DAB1: variants seen among roughly 807,000 people sequenced by gnomAD.
The protein encoded by DAB1 is disabled homolog 1.
A neutral mutation model predicts 64.6 loss-of-function variants in DAB1; 15 were observed. That is an observed-to-expected ratio of 0.23 (90% CI 0.16 to 0.36). The LOEUF (loss-of-function observed/expected upper bound fraction) is 0.36. Among genes scored for constraint, DAB1 ranks in the 10% least tolerant of loss-of-function variants. The pLI is 1.00. For synonymous variants in DAB1, 235 were observed against 251.9 expected (o/e 0.93, Z 0.64); for missense variants, 596 against 706.7 (o/e 0.84, Z 1.78).
intron 6 of DAB1, among the ~76,000 whole-genome samples, chr1:57,815,066 T>TTTTG (rs1288501616): frequency 1.3e-5 from 2 of 152,204 alleles, no homozygotes; most frequent in South Asian, 2.1e-4. Context: ...TTTTTGTTTT[T>TTTTG]TTTGTTTGTT....
chr1:58,260,521 A>G (rs1661025782), intron 4 of DAB1, among the ~76,000 whole-genome samples: 1 of 152,142 alleles, frequency 6.6e-6, no homozygotes, highest in African/African-American at 2.4e-5. Context: ...CTTATTGCCT[A>G]ATCATTAGCC....
chr1:57,116,760 C>T (rs145744538), intron 4 of DAB1, among the ~76,000 whole-genome samples: 1 of 152,134 alleles, frequency 6.6e-6, no homozygotes, highest in South Asian at 2.1e-4. Flanking sequence ...CCAGATTTAC[C>T]TTGAATCTAC....
chr1:57,046,396 T>G (rs182336842), intron 9 of DAB1, among the ~76,000 whole-genome samples: 25 of 152,334 alleles, frequency 1.6e-4, no homozygotes, highest in Admixed American at 1.5e-3. Context: ...ATTTTCTTAT[T>G]CCCCATGATC....
chr1:58,147,869 T>C (rs1231361328), intron 5 of DAB1, among the ~76,000 whole-genome samples: 1 of 150,494 alleles, frequency 6.6e-6, no homozygotes, highest in Non-Finnish European at 1.5e-5. Flanking sequence ...TTGGAGATAT[T>C]AAATTAAAAA....
chr1:57,600,675 T>C (rs549068757), intron 7 of DAB1, among the ~76,000 whole-genome samples: 2 of 152,266 alleles, frequency 1.3e-5, no homozygotes, highest in African/African-American at 4.8e-5. Context: ...CTAGCGCCTA[T>C]AGAATTGAAT....
intron 3 of DAB1, among the ~76,000 whole-genome samples, chr1:58,461,384 A>T (rs1256432574): frequency 6.6e-6 from 1 of 152,184 alleles, no homozygotes; most frequent in Non-Finnish European, 1.5e-5. Flanking sequence ...ATGTGATTGA[A>T]ACTTGCTCTC....
intron 1 of DAB1, among the ~76,000 whole-genome samples, chr1:57,828,389 T>TTTTTTAA (rs1351663277): frequency 6.6e-6 from 1 of 152,236 alleles, no homozygotes; most frequent in Non-Finnish European, 1.5e-5. Context: ...CAGTTTTCCT[T>TTTTTTAA]TTGATACATT....
intron 5 of DAB1, among the ~76,000 whole-genome samples, chr1:57,962,988 A>G (rs1474497521): frequency 1.3e-5 from 2 of 152,080 alleles, no homozygotes; most frequent in African/African-American, 4.8e-5. Flanking sequence ...ATAATATAAC[A>G]TGCTTCATTC....
intron 4 of DAB1, among the ~76,000 whole-genome samples, chr1:57,076,283 G>T (rs1018100345): frequency 6.6e-6 from 1 of 152,190 alleles, no homozygotes; most frequent in Non-Finnish European, 1.5e-5. Flanking sequence ...TGAAGGAAAG[G>T]CAGATGCTGG....
chr1:57,338,185 G>A (rs1436105196), intron 1 of DAB1, among the ~76,000 whole-genome samples: 3 of 151,936 alleles, frequency 2.0e-5, no homozygotes, highest in Non-Finnish European at 2.9e-5. Flanking sequence ...AGGTTTTGCC[G>A]TGTTGCCCAG....
At chr1:57,630,425 C>T (rs1457820905) in intron 7 of DAB1, among the ~76,000 whole-genome samples, 1 of 152,154 alleles carries the variant, frequency 6.6e-6, no homozygotes, top group Non-Finnish European at 1.5e-5. Context: ...CTTAAAGCTA[C>T]ACTAAGTGAT....
intron 4 of DAB1, among the ~76,000 whole-genome samples, chr1:58,223,200 A>C (rs899721761): frequency 6.6e-6 from 1 of 152,222 alleles, no homozygotes; most frequent in Non-Finnish European, 1.5e-5. Context: ...TAGAACTCAG[A>C]TTTTGAACAC....
intron 6 of DAB1, among the ~76,000 whole-genome samples, chr1:57,700,411 A>C (rs1425447064): frequency 6.6e-6 from 1 of 152,202 alleles, no homozygotes; most frequent in Non-Finnish European, 1.5e-5. Flanking sequence ...CAAACTGGCT[A>C]CTATCTACTT....
rs142652671 is a variant in DAB1 at position 57,326,592 on chromosome 1, A to C, written c.-136-35426T>G. Among the ~76,000 whole-genome samples, 172 of 152,310 alleles carry C rather than the reference A, an allele frequency of 1.1e-3. 2 individuals are homozygous for C. In the East Asian group the frequency reaches 0.031, roughly 28 times the overall value. The stretch of plus-strand genomic sequence containing the variant: ...AAATACCATAGACTGGGTGGCTTAA[A>C]CAACAGAAATTTATTTCTTAACAGC... On this transcript the variant is annotated intron_variant, in intron 1 of 14. Transcript: ENST00000371236.
intron 14 of DAB1, among the ~76,000 whole-genome samples, chr1:57,007,988 T>C (rs545440791): frequency 2.6e-5 from 4 of 152,360 alleles, no homozygotes; most frequent in South Asian, 4.1e-4. Flanking sequence ...ATGTGTGTCA[T>C]AGTGGCTATG....
intron 3 of DAB1, among the ~76,000 whole-genome samples, chr1:58,398,431 C>T (rs944053103): frequency 2.4e-4 from 36 of 152,332 alleles, no homozygotes; most frequent in African/African-American, 8.2e-4. Flanking sequence ...GGAAGGGAGG[C>T]TCCATGCCCG....
chr1:58,166,906 C>A (rs1200064285), intron 4 of DAB1, among the ~76,000 whole-genome samples: 1 of 151,262 alleles, frequency 6.6e-6, no homozygotes, highest in African/African-American at 2.4e-5. Flanking sequence ...CCACCATGGG[C>A]TGGCTAATTT....
At chr1:57,657,323 T>C (rs1401239944) in intron 6 of DAB1, among the ~76,000 whole-genome samples, 1 of 152,148 alleles carries the variant, frequency 6.6e-6, no homozygotes, top group Non-Finnish European at 1.5e-5. Flanking sequence ...ACAAATTATA[T>C]CTAATATTCT....
intron 3 of DAB1, among the ~76,000 whole-genome samples, chr1:58,426,693 C>G (rs1044864704): frequency 2.0e-5 from 3 of 152,160 alleles, no homozygotes; most frequent in East Asian, 3.9e-4. Flanking sequence ...GAAACAGACA[C>G]CTTCTTGTAT....
Sources: allele counts gnomAD v4.1 joint callset (sites outside exome capture counted in the v4.1 genomes callset), GRCh38; gene constraint gnomAD v4.1.1; transcripts MANE v1.5; gene names NCBI Gene and HGNC (gene_info 2026-07-23, HGNC 2026-07-21).